GOLM2: variants seen among roughly 807,000 people sequenced by gnomAD.
GOLM2 encodes the protein golgi membrane protein 2, also known as protein GOLM2.
Under a neutral mutation model 55.9 loss-of-function variants are expected in GOLM2, and 26 were observed. The ratio of observed to expected loss-of-function variants is 0.47; its 90% confidence interval spans 0.34 to 0.65. The LOEUF (loss-of-function observed/expected upper bound fraction) is 0.65. Ranked by LOEUF, GOLM2 falls within the 30% of genes least tolerant of loss-of-function variation. GOLM2 has a pLI of 0.01. For missense variants in GOLM2, 486 were observed against 531.8 expected, an observed-to-expected ratio of 0.91 and a Z score of 0.85; for synonymous variants, 165 against 194.6, an observed-to-expected ratio of 0.85 and a Z score of 1.27.
intron 6 of GOLM2, chr15:44,354,608 G>C (rs2079185866): frequency 6.6e-6 from 1 of 152,150 alleles, no homozygotes; most frequent in Non-Finnish European, 1.5e-5. Context: ...AGAAAGATAG[G>C]CTCTCTGTTC....
chr15:44,301,712 A>G (rs1459585061), intron 1 of GOLM2, among the ~76,000 whole-genome samples: 1 of 152,150 alleles, frequency 6.6e-6, no homozygotes, highest in African/African-American at 2.4e-5. Flanking sequence ...AGGGTTCCAG[A>G]TGTAGAATGT....
At chr15:44,310,877 C>A (rs1223748393) in intron 1 of GOLM2, among the ~76,000 whole-genome samples, 2 of 152,034 alleles carry the variant, frequency 1.3e-5, no homozygotes, top group African/African-American at 4.8e-5. Context: ...ATTAGCTGGG[C>A]ATGGTGGCAC....
intron 9 of GOLM2, chr15:44,406,676 A>G (rs535580840): frequency 3.9e-5 from 6 of 152,308 alleles, no homozygotes; most frequent in East Asian, 1.9e-4. Flanking sequence ...TATTGCCACT[A>G]TTGTGACTCT....
rs2079027016 is a variant in GOLM2 at position 44,332,215 on chromosome 15, A to G, written c.576+137A>G. On this transcript the variant is annotated intron_variant, in intron 4 of 9. Transcript: ENST00000299957. ...AGCCTAATTCCAAAAGTGATTTACA[A>G]TGGCTTTATTTCTGAGTAAATTAAA... The G allele has an allele frequency of 1.5e-5, 8 of 547,184 alleles. 1 individual carries two copies. In the South Asian group the frequency reaches 1.8e-4, roughly 12 times the overall value. 33.9% of individuals were successfully genotyped at this position (547,184 alleles called of 1,614,324 possible). A position where few individuals can be genotyped will look rare whatever the true frequency, so the allele number is the denominator to read the frequency against.
Position 44,289,925 on chromosome 15 carries a change from G to A in GOLM2, c.327+569G>A, listed in dbSNP as rs1322149568. Among the ~76,000 whole-genome samples the A allele has an allele frequency of 2.0e-5, 3 of 152,094 alleles. No homozygotes were observed. Among genetic ancestry groups the A allele is most frequent in the Non-Finnish European group, 2.9e-5 (2 of 68,022 alleles). On this transcript the variant is annotated intron_variant, in intron 1 of 9. Coordinates refer to ENST00000299957, the MANE Select transcript of GOLM2 (RefSeq NM_138423.4). This position sits in a 1 kb window ranked among gnomAD's most constrained non-coding sequence, Gnocchi z 4.8. The stretch of plus-strand genomic sequence containing the variant: ...AAAATGTTATGATAGATGGGCCCTC[G>A]AGCTATATGTGAGACACACTTGTGT...
rs1021774672 is a variant in GOLM2 at position 44,413,472 on chromosome 15, C to T, written c.*66C>T. 10 of 1,229,988 alleles carry T rather than the reference C, an allele frequency of 8.1e-6. No homozygotes were observed. The African/African-American group carries it at 1.5e-4, about 19-fold the overall frequency. 76.2% of individuals were successfully genotyped at this position (1,229,988 alleles called of 1,614,324 possible). A position where few individuals can be genotyped will look rare whatever the true frequency, so the allele number is the denominator to read the frequency against. On this transcript the variant is annotated 3_prime_UTR_variant, in exon 10 of 10. Transcript: ENST00000299957. ...ATGAAATCATTCTACTTTGTCCTTT[C>T]TGACTTTTGTTGTAAAGACGAATTG...
intron 6 of GOLM2, among the ~76,000 whole-genome samples, chr15:44,366,884 GT>G (rs1283876239): frequency 6.6e-6 from 1 of 152,014 alleles, no homozygotes; most frequent in Non-Finnish European, 1.5e-5. Flanking sequence ...AAAACGTTAT[GT>G]TTTAAGGAAG....
intron 6 of GOLM2, among the ~76,000 whole-genome samples, chr15:44,367,235 G>A (rs1204894472): frequency 7.3e-6 from 1 of 136,116 alleles, no homozygotes; most frequent in Admixed American, 7.6e-5. Context: ...TTTTCTGTCT[G>A]GCCCTTTAAG....
intron 9 of GOLM2, among the ~76,000 whole-genome samples, chr15:44,411,938 C>T (rs908382354): frequency 6.6e-5 from 10 of 152,180 alleles, no homozygotes; most frequent in South Asian, 2.1e-4. Context: ...TGGCTGAGGC[C>T]GGTGGATCAC....
At chr15:44,398,524 G>A (rs1185260100) in intron 8 of GOLM2, among the ~76,000 whole-genome samples, 1 of 152,104 alleles carries the variant, frequency 6.6e-6, no homozygotes, top group Non-Finnish European at 1.5e-5. Context: ...GTGAACCATG[G>A]ATGGATGAAA....
chr15:44,399,294 T>C lies in GOLM2; in HGVS notation c.1073-3593T>C, dbSNP rs569495032. Among the ~76,000 whole-genome samples, 10 of 152,340 alleles carry C rather than the reference T, an allele frequency of 6.6e-5. No homozygotes were observed. In the South Asian group the frequency reaches 2.1e-3, roughly 32 times the overall value. ...ATCTCCTTAACTTGATTGGCAACTC[T>C]GTGTAAGTTGGTTCTGTGTTTTTCA... On this transcript the variant is annotated intron_variant, in intron 8 of 9. Coordinates refer to ENST00000299957, the MANE Select transcript of GOLM2 (RefSeq NM_138423.4).
chr15:44,320,791 A>G (rs1263854645), intron 1 of GOLM2, among the ~76,000 whole-genome samples: 4 of 152,200 alleles, frequency 2.6e-5, no homozygotes, highest in South Asian at 4.1e-4. Context: ...TCTACCTGGG[A>G]CTGAAAGATA....
rs962458093 is a variant in GOLM2, at chr15:44,316,565, C to G, written c.328-6400C>G. On this transcript the variant is annotated intron_variant, in intron 1 of 9. Transcript: ENST00000299957. ...GGTCAGGAGTTCCAGACCAGCCTGG[C>G]CAACAGGGTGAAACCCCGTCTCTAC... 6.4e-4 allele frequency among the ~76,000 whole-genome samples: 98 copies of G among 152,102 alleles called. 1 individual carries two copies. Among genetic ancestry groups the G allele is most frequent in the African/African-American group, 2.4e-3 (98 of 41,500 alleles).
chr15:44,373,698 G>A (rs1359655750), intron 6 of GOLM2, among the ~76,000 whole-genome samples: 1 of 152,182 alleles, frequency 6.6e-6, no homozygotes, highest in Non-Finnish European at 1.5e-5. Flanking sequence ...AGGTTGCAGT[G>A]AGCCGAGATC....
chr15:44,299,886 A>G (rs1309982545), intron 1 of GOLM2, among the ~76,000 whole-genome samples: 1 of 136,348 alleles, frequency 7.3e-6, no homozygotes, highest in Non-Finnish European at 1.5e-5. Flanking sequence ...CAGGAGGATC[A>G]TGTGAGGCCA....
At chr15:44,342,735 C>A (rs571388877) in intron 6 of GOLM2, among the ~76,000 whole-genome samples, 1 of 152,116 alleles carries the variant, frequency 6.6e-6, no homozygotes, top group Non-Finnish European at 1.5e-5. Flanking sequence ...GATGCAAACA[C>A]GAAGGAAAGC....
chr15:44,366,445 C>T (rs1697819199), intron 6 of GOLM2, among the ~76,000 whole-genome samples: 1 of 151,664 alleles, frequency 6.6e-6, no homozygotes, highest in Non-Finnish European at 1.5e-5. Flanking sequence ...AGTTTGAGAC[C>T]AGTCTGGACA....
In GOLM2 at chr15:44,369,094, T is replaced by G. The variant is rs1444428813; in HGVS notation, c.803-10596T>G. ...ATATATATATATATATATATATATATATATATATATATATATATATATACC... is the reference window on the plus strand; with the variant it reads ...ATATATATATATATATATATATATAGATATATATATATATATATATATACC... On this transcript the variant is annotated intron_variant, in intron 6 of 9. Transcript: ENST00000299957. 5.5e-5 allele frequency among the ~76,000 whole-genome samples: 5 copies of G among 90,596 alleles called. 1 individual carries two copies. Among genetic ancestry groups the G allele is most frequent in the African/African-American group, 2.0e-4 (5 of 24,470 alleles). The allele number at this position is 90,596 out of a possible 152,430, so 59.4% of individuals were successfully genotyped here.
intron 4 of GOLM2, among the ~76,000 whole-genome samples, chr15:44,336,177 T>C (rs1207060559): frequency 6.7e-6 from 1 of 148,158 alleles, no homozygotes; most frequent in African/African-American, 2.5e-5. Context: ...AGTGCAGTGG[T>C]GCCATCTTGG....
Sources: gnomAD v4.1 joint callset for allele counts (sites outside exome capture counted in the v4.1 genomes callset) on GRCh38, gnomAD v4.1.1 for gene constraint, Gnocchi (gnomAD v3.1) non-coding constraint, MANE v1.5 for transcripts, NCBI Gene and HGNC (gene_info 2026-07-23, HGNC 2026-07-21) for gene names.